SEMA5A: variants seen among roughly 807,000 people sequenced by gnomAD.
SEMA5A encodes semaphorin-5A.
In SEMA5A, 55 loss-of-function variants were observed where a neutral mutation model predicts 135.5. That is an observed-to-expected ratio of 0.41 (90% CI 0.33 to 0.51). SEMA5A has a LOEUF of 0.51. Among genes scored for constraint, SEMA5A ranks in the 20% least tolerant of loss-of-function variants. The pLI, the probability that SEMA5A is intolerant of heterozygous loss-of-function variation, is 0.37. For missense variants in SEMA5A, 1,290 were observed against 1,419.9 expected, an observed-to-expected ratio of 0.91 and a Z score of 1.47; for synonymous variants, 580 against 546.5, an observed-to-expected ratio of 1.06 and a Z score of -0.85.
At chr5:9,080,205 A>G (rs543931788) in intron 16 of SEMA5A, among the ~76,000 whole-genome samples, 1 of 152,336 alleles carries the variant, frequency 6.6e-6, no homozygotes, top group East Asian at 1.9e-4. Context: ...ACACCGCGGA[A>G]TACTATGCAG....
chr5:9,138,680 A>C (rs1741896647), intron 12 of SEMA5A, among the ~76,000 whole-genome samples: 1 of 151,890 alleles, frequency 6.6e-6, no homozygotes. Context: ...GATTTATGAG[A>C]TTTTGGTGCA....
intron 5 of SEMA5A, among the ~76,000 whole-genome samples, chr5:9,299,932 A>T (rs1751529662): frequency 6.6e-6 from 1 of 152,176 alleles, no homozygotes; most frequent in African/African-American, 2.4e-5. Context: ...GAGAGCCAGA[A>T]GTTCCCAATG....
intron 3 of SEMA5A, among the ~76,000 whole-genome samples, chr5:9,340,236 G>A (rs1753582915): frequency 6.6e-6 from 1 of 152,150 alleles, no homozygotes; most frequent in South Asian, 2.1e-4. Context: ...AGGGAGCACT[G>A]CCAGGACCAG....
intron 1 of SEMA5A, among the ~76,000 whole-genome samples, chr5:9,477,938 C>T (rs533641117): frequency 2.0e-5 from 3 of 152,322 alleles, no homozygotes; most frequent in South Asian, 4.1e-4. Context: ...ATGGCAGGCC[C>T]TCCTATCACA....
At position 9,437,763 on chromosome 5, in the gene SEMA5A, A is replaced by G. The variant is rs1758085486; in HGVS notation, c.-85T>C. ...TTTAGATGTCTCACTTACCAAGGAG[A>G]GAGAGGATGGAGGACGCGTTTCCTC... On this transcript the variant is annotated 5_prime_UTR_variant, in exon 2 of 23. Coordinates refer to ENST00000382496, the MANE Select transcript of SEMA5A (RefSeq NM_003966.3). 6.6e-6 allele frequency: 1 copy of G among 152,368 alleles called. No homozygotes were observed. The highest frequency in any genetic ancestry group is 6.6e-5 in the Admixed American group (1 of 15,266). The allele number at this position is 152,368 out of a possible 1,614,324, so 9.4% of individuals were successfully genotyped here. A position where few individuals can be genotyped will look rare whatever the true frequency, so the allele number is the denominator to read the frequency against.
At chr5:9,313,164 G>A (rs1323353258) in intron 5 of SEMA5A, among the ~76,000 whole-genome samples, 4 of 152,150 alleles carry the variant, frequency 2.6e-5, no homozygotes, top group African/African-American at 9.7e-5. Context: ...TTCAACATCC[G>A]CTTTCTCATC....
At chr5:9,530,477 T>C (rs1051826798) in intron 1 of SEMA5A, among the ~76,000 whole-genome samples, 63 of 152,138 alleles carry the variant, frequency 4.1e-4, no homozygotes, top group African/African-American at 1.5e-3. Flanking sequence ...AATAATAAAA[T>C]GTTCTTTTTT....
Position 9,066,463 on chromosome 5 carries a change from G to T in SEMA5A, c.2257C>A (p.Arg753=), listed in dbSNP as rs779691883. The T allele has an allele frequency of 3.1e-6, 5 of 1,614,208 alleles. No homozygotes were observed. Among genetic ancestry groups the T allele is most frequent in the Non-Finnish European group, 4.2e-6 (5 of 1,180,030 alleles). ...CTGGTGCCGTCGCTAGAACAGTACC[G>T]CATTTCGATTCTCTGTCTTCCCACT... The part of the protein sequence containing the change: ...LEVGRQRIEM[R]YCSSDGTSGC... The change falls in exon 17 of 23, where the codon CGG becomes AGG. Residue 753 remains arginine (R), a synonymous_variant. Transcript: ENST00000382496.
intron 8 of SEMA5A, among the ~76,000 whole-genome samples, chr5:9,219,454 C>G (rs372753048): frequency 2.6e-5 from 4 of 152,110 alleles, no homozygotes; most frequent in Admixed American, 2.0e-4. Context: ...GCCCCCAGTA[C>G]TCCAGAATGT....
Position 9,510,486 on chromosome 5 carries a change from T to G in SEMA5A, c.-175+35098A>C, listed in dbSNP as rs147473957. On this transcript the variant is annotated intron_variant, in intron 1 of 22. Coordinates refer to ENST00000382496, the MANE Select transcript of SEMA5A (RefSeq NM_003966.3). ...ATTTTGGAAACTTGATTTTTCAAGT[T>G]CTTTGTAAGAACTCTTTTACATAGC... Among the ~76,000 whole-genome samples, 225 of 152,322 alleles carry G rather than the reference T, an allele frequency of 1.5e-3. 1 individual carries two copies. Among genetic ancestry groups the G allele is most frequent in the Non-Finnish European group, 2.6e-3 (177 of 68,038 alleles).
intron 17 of SEMA5A, among the ~76,000 whole-genome samples, chr5:9,065,441 C>G (rs1449822858): frequency 1.3e-5 from 2 of 152,244 alleles, no homozygotes; most frequent in African/African-American, 2.4e-5. Context: ...TGGCAACACA[C>G]CAGCTCGGTG....
At chr5:9,245,554 T>C (rs1019118957) in intron 5 of SEMA5A, among the ~76,000 whole-genome samples, 4 of 152,164 alleles carry the variant, frequency 2.6e-5, no homozygotes, top group Non-Finnish European at 5.9e-5. Flanking sequence ...AATTAATAGT[T>C]ATAAATAAGA....
intron 4 of SEMA5A, among the ~76,000 whole-genome samples, chr5:9,326,467 T>C (rs1752880268): frequency 6.6e-6 from 1 of 151,828 alleles, no homozygotes; most frequent in African/African-American, 2.4e-5. Context: ...TTGGCCAGGC[T>C]GGTCTTGAAC....
chr5:9,401,688 C>T (rs1175251297), intron 2 of SEMA5A, among the ~76,000 whole-genome samples: 2 of 152,168 alleles, frequency 1.3e-5, no homozygotes, highest in African/African-American at 2.4e-5. Context: ...AATGCCTTGA[C>T]CACTAGGCAA....
intron 2 of SEMA5A, among the ~76,000 whole-genome samples, chr5:9,383,473 T>C (rs1171865282): frequency 7.9e-5 from 12 of 152,148 alleles, no homozygotes; most frequent in Non-Finnish European, 1.5e-5. Context: ...CCTTAATACA[T>C]GCTAGCTCTG....
At chr5:9,506,022 G>A (rs758829239) in intron 1 of SEMA5A, among the ~76,000 whole-genome samples, 3 of 149,514 alleles carry the variant, frequency 2.0e-5, no homozygotes, top group Non-Finnish European at 4.4e-5. Flanking sequence ...TCAACCTCAT[G>A]TGAAACTTTC....
intron 3 of SEMA5A, among the ~76,000 whole-genome samples, chr5:9,352,328 A>G (rs914649593): frequency 5.9e-5 from 9 of 151,844 alleles, no homozygotes; most frequent in Non-Finnish European, 8.8e-5. Context: ...TTTAATTTGT[A>G]TCTATCTATC....
At chr5:9,193,277 G>A (rs1745211331) in intron 10 of SEMA5A, among the ~76,000 whole-genome samples, 1 of 151,978 alleles carries the variant, frequency 6.6e-6, no homozygotes, top group South Asian at 2.1e-4. Context: ...GTGTCCGTGT[G>A]GGGCACTGTG....
At chr5:9,051,812 C>T in intron 20 of SEMA5A, 61 bp downstream of exon 20, 1 of 1,601,886 alleles carries the variant, frequency 6.2e-7, no homozygotes, top group Non-Finnish European at 8.5e-7. Flanking sequence ...ACCTATGAAT[C>T]ATTTTCTCTC....
Sources: gnomAD v4.1 joint callset for allele counts (sites outside exome capture counted in the v4.1 genomes callset) on GRCh38, gnomAD v4.1.1 for gene constraint, MANE v1.5 for transcripts, NCBI Gene and HGNC (gene_info 2026-07-23, HGNC 2026-07-21) for gene names.